Variants in ONECUT2 observed in about 807,000 individuals in gnomAD.
The protein encoded by ONECUT2 is one cut homeobox 2.
ONECUT2 carries 10 observed loss-of-function variants against 27.9 expected under a neutral mutation model. The observed-to-expected ratio is 0.36, with a 90% CI of 0.22 to 0.61. The LOEUF is 0.61. ONECUT2 is among the 20% of genes least tolerant of loss of function. The pLI, the probability that ONECUT2 is intolerant of heterozygous loss-of-function variation, is 0.73. For missense variants in ONECUT2, 686 were observed against 721.0 expected (o/e 0.95, Z 0.56); for synonymous variants, 334 against 315.1 (o/e 1.06, Z -0.64).
intron 1 of ONECUT2, among the ~76,000 whole-genome samples, chr18:57,459,143 A>C (rs566046552): frequency 2.9e-4 from 44 of 152,350 alleles, no homozygotes; most frequent in African/African-American, 1.0e-3. Flanking sequence ...AAAGTGATTG[A>C]ATGGTTAAAG....
Position 57,454,131 on chromosome 18 carries a change from C to G in ONECUT2, c.1228+17187C>G, listed in dbSNP as rs116977391. Among the ~76,000 whole-genome samples the G allele has an allele frequency of 4.4e-4, 67 of 152,258 alleles. No individual in the cohort carries two copies. In the East Asian group the frequency reaches 0.01, roughly 23 times the overall value. On this transcript the variant is annotated intron_variant, in intron 1 of 1. Coordinates refer to ENST00000491143, the MANE Select transcript of ONECUT2 (RefSeq NM_004852.3). ...TTGAATTCATTATAACCTTCAAGGT[C>G]TGCCAAGGTCTTTAAGGTTTCTTCT...
intron 1 of ONECUT2, among the ~76,000 whole-genome samples, chr18:57,452,951 C>G (rs778625386): frequency 2.6e-5 from 4 of 152,202 alleles, no homozygotes; most frequent in Non-Finnish European, 4.4e-5. Flanking sequence ...TCAAAAAGAT[C>G]AAAATGTTTG....
chr18:57,475,444 C>T (rs967160591), intron 1 of ONECUT2, among the ~76,000 whole-genome samples: 4 of 151,970 alleles, frequency 2.6e-5, no homozygotes, highest in African/African-American at 7.3e-5. Context: ...TTTTCTGAGA[C>T]ACCGAACCTG....
chr18:57,467,217 G>A (rs767863236), intron 1 of ONECUT2: 5 of 456,214 alleles, frequency 1.1e-5, no homozygotes, highest in Non-Finnish European at 2.2e-5. Context: ...GCCTCCAGCC[G>A]ACAGTAAGTG....
At chr18:57,450,642 A>G (rs935968196) in intron 1 of ONECUT2, among the ~76,000 whole-genome samples, 1 of 152,216 alleles carries the variant, frequency 6.6e-6, no homozygotes, top group Admixed American at 6.5e-5. Context: ...GCTTCATACA[A>G]GATGGAAAAT....
rs545202534 is a variant in ONECUT2 at position 57,489,937 on chromosome 18, T to G, written c.*13214T>G. On this transcript the variant is annotated 3_prime_UTR_variant, in exon 2 of 2. Coordinates refer to ENST00000491143, the MANE Select transcript of ONECUT2 (RefSeq NM_004852.3). ...AAAATCTTGGTGTTGGTTTCTCTTT[T>G]AATTCGTATCTTCGATCACCTAACC... 4.6e-5 allele frequency: 7 copies of G among 152,218 alleles called. No individual in the cohort carries two copies. Among genetic ancestry groups the G allele is most frequent in the Admixed American group, 3.9e-4 (6 of 15,290 alleles). 9.4% of individuals were successfully genotyped at this position (152,218 alleles called of 1,614,324 possible).
At chr18:57,475,726 A>G (rs1321022398) in intron 1 of ONECUT2, among the ~76,000 whole-genome samples, 2 of 152,204 alleles carry the variant, frequency 1.3e-5, no homozygotes, top group Admixed American at 1.3e-4. Context: ...GTCCTATTGT[A>G]ACATTGGGCT....
chr18:57,437,981 C>A (rs537622949), intron 1 of ONECUT2, among the ~76,000 whole-genome samples: 1 of 152,246 alleles, frequency 6.6e-6, no homozygotes, highest in Admixed American at 6.5e-5. Flanking sequence ...GGTAGAGGCG[C>A]GGGTTACATT....
intron 1 of ONECUT2, among the ~76,000 whole-genome samples, chr18:57,438,433 C>T (rs1030958994): frequency 6.6e-6 from 1 of 152,198 alleles, no homozygotes; most frequent in Non-Finnish European, 1.5e-5. Flanking sequence ...AGCTCGCTTC[C>T]GGAGCTGCGA....
chr18:57,466,329 A>T (rs2050321257), intron 1 of ONECUT2, among the ~76,000 whole-genome samples: 1 of 152,150 alleles, frequency 6.6e-6, no homozygotes, highest in African/African-American at 2.4e-5. Flanking sequence ...TTAGGTAAAA[A>T]ATCTCCAGAT....
Position 57,486,187 on chromosome 18 carries a change from A to T in ONECUT2, c.*9464A>T, listed in dbSNP as rs777058029. The T allele has an allele frequency of 2.0e-4, 31 of 152,706 alleles. No homozygotes were observed. Among genetic ancestry groups the T allele is most frequent in the Admixed American group, 3.3e-4 (5 of 15,274 alleles). 9.5% of individuals were successfully genotyped at this position (152,706 alleles called of 1,614,324 possible). On this transcript the variant is annotated 3_prime_UTR_variant, in exon 2 of 2. Coordinates refer to ENST00000491143, the MANE Select transcript of ONECUT2 (RefSeq NM_004852.3). ...TCATGCTTCACTTGCAAAGTGTGAC[A>T]TAACCACGGGACGAGTGCCTTGCTT...
chr18:57,455,004 T>A (rs1260169117), intron 1 of ONECUT2, among the ~76,000 whole-genome samples: 2 of 152,202 alleles, frequency 1.3e-5, no homozygotes, highest in African/African-American at 4.8e-5. Flanking sequence ...AAAACTCACA[T>A]CATCTGTCTC....
At chr18:57,471,328 G>A (rs1267777992) in intron 1 of ONECUT2, among the ~76,000 whole-genome samples, 1 of 152,214 alleles carries the variant, frequency 6.6e-6, no homozygotes, top group Non-Finnish European at 1.5e-5. Flanking sequence ...AGTAGACCTG[G>A]CCCACATGGA....
intron 1 of ONECUT2, among the ~76,000 whole-genome samples, chr18:57,461,895 A>G (rs1000444651): frequency 6.6e-6 from 1 of 152,264 alleles, no homozygotes; most frequent in Non-Finnish European, 1.5e-5. Flanking sequence ...GGTGAAGGCC[A>G]GGAGAGTGTG....
intron 1 of ONECUT2, among the ~76,000 whole-genome samples, chr18:57,455,571 G>T (rs1028503421): frequency 3.3e-5 from 5 of 152,124 alleles, no homozygotes; most frequent in African/African-American, 9.7e-5. Flanking sequence ...TCTGCATGTG[G>T]TCATCCTGGA....
At chr18:57,444,029 G>A (rs1356446380) in intron 1 of ONECUT2, among the ~76,000 whole-genome samples, 1 of 152,148 alleles carries the variant, frequency 6.6e-6, no homozygotes, top group Admixed American at 6.5e-5. Flanking sequence ...TCTGTAACTG[G>A]TATTGACTTG....
At chr18:57,468,950 T>C (rs906561279) in intron 1 of ONECUT2, among the ~76,000 whole-genome samples, 2 of 152,174 alleles carry the variant, frequency 1.3e-5, no homozygotes, top group Admixed American at 1.3e-4. Context: ...CATAGTCTTG[T>C]CATTCTATCA....
At chr18:57,439,255 C>G (rs185514354) in intron 1 of ONECUT2, among the ~76,000 whole-genome samples, 88 of 152,318 alleles carry the variant, frequency 5.8e-4, no homozygotes, top group Admixed American at 1.7e-3. Context: ...GCCCATGGTG[C>G]AAGTCTGCAG....
rs539378814 is a variant in ONECUT2 at position 57,469,185 on chromosome 18, GA to G, written c.1229-7249del. Among the ~76,000 whole-genome samples the G allele has an allele frequency of 2.0e-4, 31 of 152,296 alleles. No individual in the cohort carries two copies. The East Asian group carries it at 6.0e-3, about 29-fold the overall frequency. The stretch of plus-strand genomic sequence containing the variant: ...TCCCGGGAGAGTGCCCTCCTTAGTG[GA>G]AAGGGTCACGCTCCCCACTTTGCAC... On this transcript the variant is annotated intron_variant, in intron 1 of 1. Coordinates refer to ENST00000491143, the MANE Select transcript of ONECUT2 (RefSeq NM_004852.3).
Sources: allele counts gnomAD v4.1 joint callset (sites outside exome capture counted in the v4.1 genomes callset), GRCh38; gene constraint gnomAD v4.1.1; transcripts MANE v1.5; gene names NCBI Gene and HGNC (gene_info 2026-07-23, HGNC 2026-07-21).